The following DRC9 variants were observed in gnomAD, a reference collection of about 807,000 sequenced individuals.
DRC9 encodes dynein regulatory complex protein 9.
chr3:197,926,135 G>GA, the DRC9 span: 1 of 1,281,402 alleles, frequency 7.8e-7, no homozygotes, highest in Non-Finnish European at 1.1e-6. Context: ...TTTGTGTTTA[G>GA]AGCAGTGCTT....
the DRC9 span, among the ~76,000 whole-genome samples, chr3:197,931,376 G>A: frequency 1.3e-5 from 2 of 151,984 alleles, no homozygotes; most frequent in East Asian, 2.0e-4. Context: ...CAGCTACTTC[G>A]GAGGCTGAGG....
At chr3:197,899,021 G>C in the DRC9 span, among the ~76,000 whole-genome samples, 1 of 152,100 alleles carries the variant, frequency 6.6e-6, no homozygotes, top group Non-Finnish European at 1.5e-5. Context: ...ATAGGGCATA[G>C]CTTTATGCTA....
At chr3:197,896,324 C>G in the DRC9 span, among the ~76,000 whole-genome samples, 1 of 150,560 alleles carries the variant, frequency 6.6e-6, no homozygotes, top group Admixed American at 6.6e-5. Flanking sequence ...GCCTGGGCAA[C>G]AAGAGCAAAA....
the DRC9 span, chr3:197,932,130 A>T: frequency 9.5e-6 from 15 of 1,587,056 alleles, no homozygotes; most frequent in African/African-American, 2.0e-4. Context: ...GTGTTTTAGC[A>T]CTTTAAAATA....
At chr3:197,954,368 T>TAG in the DRC9 span, 3 of 585,588 alleles carry the variant, frequency 5.1e-6, no homozygotes, top group Non-Finnish European at 9.1e-6. Context: ...GGGTCTCACT[T>TAG]TGTCACCCAG....
At chr3:197,925,894 T>C in the DRC9 span, 6 of 680,818 alleles carry the variant, frequency 8.8e-6, no homozygotes, top group African/African-American at 5.3e-5. Context: ...ATGTTTTCAA[T>C]AGTAAAGGAA....
chr3:197,901,069 T>C, the DRC9 span, among the ~76,000 whole-genome samples: 1 of 152,152 alleles, frequency 6.6e-6, no homozygotes, highest in African/African-American at 2.4e-5. This position sits in a 1 kb window ranked among gnomAD's most constrained non-coding sequence, Gnocchi z 4.4. Context: ...GGACTCTGTC[T>C]TACACCCTAG....
At chr3:197,953,419 G>T in the DRC9 span, 1 of 456,618 alleles carries the variant, frequency 2.2e-6, no homozygotes, top group South Asian at 1.5e-5. Flanking sequence ...TACATTGCTC[G>T]AACCACAGTA....
At chr3:197,890,952 G>A in the DRC9 span, among the ~76,000 whole-genome samples, 1 of 152,156 alleles carries the variant, frequency 6.6e-6, no homozygotes, top group Admixed American at 6.5e-5. Context: ...TATTTCACGT[G>A]ATCTGTGACC....
chr3:197,903,261 G>A, the DRC9 span, among the ~76,000 whole-genome samples: 2 of 152,154 alleles, frequency 1.3e-5, no homozygotes, highest in Non-Finnish European at 2.9e-5. Flanking sequence ...AACTCTCCAG[G>A]ACATTGGACT....
At chr3:197,891,382 G>C in the DRC9 span, 1 of 832,072 alleles carries the variant, frequency 1.2e-6, no homozygotes, top group South Asian at 1.4e-5. Context: ...TAATGAATTG[G>C]AAATGCTTTT....
the DRC9 span, among the ~76,000 whole-genome samples, chr3:197,925,283 G>A: frequency 2.4e-5 from 3 of 124,580 alleles, no homozygotes; most frequent in African/African-American, 6.3e-5. Flanking sequence ...GTGGGGGAGG[G>A]TGGGGGTGTA....
the DRC9 span, among the ~76,000 whole-genome samples, chr3:197,893,818 A>G: frequency 2.6e-5 from 4 of 152,156 alleles, no homozygotes; most frequent in Admixed American, 1.3e-4. Context: ...ACAGCACTCT[A>G]GCCTGGGTGA....
chr3:197,928,873 C>T, the DRC9 span, among the ~76,000 whole-genome samples: 1 of 152,202 alleles, frequency 6.6e-6, no homozygotes, highest in Non-Finnish European at 1.5e-5. Flanking sequence ...CCCAGAAAAG[C>T]TCAGCACATG....
chr3:197,901,750 C>T, the DRC9 span, among the ~76,000 whole-genome samples: 1 of 152,192 alleles, frequency 6.6e-6, no homozygotes, highest in Non-Finnish European at 1.5e-5. The surrounding 1 kb of genome is among the most constrained non-coding windows in gnomAD (Gnocchi z 4.4). Flanking sequence ...TTTTTGACTC[C>T]AGCTCTTGGC....
At chr3:197,932,309 G>C in the DRC9 span, 1 of 1,607,470 alleles carries the variant, frequency 6.2e-7, no homozygotes, top group Non-Finnish European at 8.5e-7. Context: ...CTGCCTGTAA[G>C]GAGAAACAGA....
chr3:197,916,975 C>T, the DRC9 span, among the ~76,000 whole-genome samples: 4 of 152,062 alleles, frequency 2.6e-5, no homozygotes, highest in African/African-American at 9.7e-5. Context: ...CATCCTGGGC[C>T]GCATGTGGCC....
At chr3:197,894,323 A>G in the DRC9 span, among the ~76,000 whole-genome samples, 1 of 152,224 alleles carries the variant, frequency 6.6e-6, no homozygotes, top group Non-Finnish European at 1.5e-5. Flanking sequence ...TAATATCTGC[A>G]TATATATTAT....
chr3:197,899,199 A>G, the DRC9 span, among the ~76,000 whole-genome samples: 1 of 152,240 alleles, frequency 6.6e-6, no homozygotes, highest in Non-Finnish European at 1.5e-5. Flanking sequence ...TTATGATTGA[A>G]TTTTATCAAG....
Sources: allele counts gnomAD v4.1 joint callset (sites outside exome capture counted in the v4.1 genomes callset), GRCh38; gene constraint gnomAD v4.1.1; non-coding constraint Gnocchi (gnomAD v3.1); transcripts MANE v1.5; gene names NCBI Gene and HGNC (gene_info 2026-07-23, HGNC 2026-07-21).